Variants in RASAL2 observed in about 807,000 individuals in gnomAD.
The protein encoded by RASAL2 is RAS protein activator like 2, also known as ras GTPase-activating protein nGAP.
RASAL2 carries 58 observed loss-of-function variants against 128.9 expected under a neutral mutation model. The ratio of observed to expected loss-of-function variants is 0.45; its 90% CI spans 0.36 to 0.56. The LOEUF (loss-of-function observed/expected upper bound fraction) is 0.56, where lower values mean the gene tolerates loss of function less well. Ranked by LOEUF, RASAL2 falls within the 20% of genes least tolerant of loss-of-function variation. The probability of loss-of-function intolerance (pLI) is 0.00; values close to 1 mark genes in which losing one functional copy is unlikely to be tolerated. For missense variants in RASAL2, 1,360 were observed against 1,601.6 expected, an observed-to-expected ratio of 0.85 and a Z score of 2.57; for synonymous variants, 561 against 580.8, an observed-to-expected ratio of 0.97 and a Z score of 0.49.
chr1:178,327,448 C>CA (rs1669090326), intron 3 of RASAL2, among the ~76,000 whole-genome samples: 1 of 152,122 alleles, frequency 6.6e-6, no homozygotes, highest in South Asian at 2.1e-4. Context: ...TGAGTTCAAG[C>CA]AATCCTCCCA....
chr1:178,472,405 CTG>C (rs1340204260), intron 17 of RASAL2, among the ~76,000 whole-genome samples: 1 of 152,100 alleles, frequency 6.6e-6, no homozygotes, highest in Admixed American at 6.5e-5. Context: ...GTCTAGGAGC[CTG>C]TGTTCTCTGT....
intron 13 of RASAL2, 120 bp from the exon 14 acceptor site, chr1:178,457,563 C>A: frequency 9.7e-7 from 1 of 1,029,510 alleles, no homozygotes; most frequent in South Asian, 1.7e-5. Context: ...ATCTGAGTTT[C>A]CAAAGAAATG....
chr1:178,295,695 G>A (rs1396516157), intron 2 of RASAL2, among the ~76,000 whole-genome samples: 1 of 152,076 alleles, frequency 6.6e-6, no homozygotes, highest in African/African-American at 2.4e-5. Context: ...TCTGGGGTGG[G>A]GACTGAGAAT....
chr1:178,228,854 A>G (rs1364483662), intron 1 of RASAL2, among the ~76,000 whole-genome samples: 2 of 152,182 alleles, frequency 1.3e-5, no homozygotes, highest in Non-Finnish European at 1.5e-5. Context: ...GAAGCAAGAT[A>G]TTTTGTTATA....
intron 3 of RASAL2, among the ~76,000 whole-genome samples, chr1:178,320,841 T>C (rs1019280989): frequency 6.6e-6 from 1 of 152,214 alleles, no homozygotes; most frequent in Non-Finnish European, 1.5e-5. Flanking sequence ...TATGACTATT[T>C]AATTCGTAAA....
At chr1:178,467,718 T>C (rs891352508) in intron 17 of RASAL2, among the ~76,000 whole-genome samples, 8 of 152,232 alleles carry the variant, frequency 5.3e-5, no homozygotes, top group Non-Finnish European at 1.2e-4. Context: ...GAGGGCATTT[T>C]CTAAGGGCGT....
At chr1:178,322,096 G>A (rs985319857) in intron 3 of RASAL2, among the ~76,000 whole-genome samples, 3 of 152,024 alleles carry the variant, frequency 2.0e-5, no homozygotes, top group South Asian at 2.1e-4. Flanking sequence ...GCCTCCCAAA[G>A]TGCTGGGAAT....
intron 1 of RASAL2, among the ~76,000 whole-genome samples, chr1:178,119,633 C>T (rs767588028): frequency 2.2e-4 from 34 of 152,166 alleles, no homozygotes; most frequent in Non-Finnish European, 4.0e-4. Context: ...CATTCAAAGA[C>T]GTGAATAGTT....
chr1:178,445,489 T>C (rs1286616927), intron 8 of RASAL2, 29 bp from the exon 9 acceptor site: 6 of 1,607,850 alleles, frequency 3.7e-6, no homozygotes, highest in Non-Finnish European at 4.2e-6. Flanking sequence ...TTCAGTTGCT[T>C]TCTGCCTGAT....
chr1:178,114,661 A>G (rs1659460077), intron 1 of RASAL2, among the ~76,000 whole-genome samples: 1 of 151,906 alleles, frequency 6.6e-6, no homozygotes, highest in Non-Finnish European at 1.5e-5. Flanking sequence ...AGCTGGGACT[A>G]CAGGCGCCCA....
chr1:178,447,098 T>G (rs1277666385), intron 9 of RASAL2, among the ~76,000 whole-genome samples: 10 of 152,156 alleles, frequency 6.6e-5, no homozygotes, highest in Admixed American at 6.5e-4. Context: ...TTTACAGTAA[T>G]AACTGGAGAG....
At chr1:178,189,269 CAT>C (rs1662410195) in intron 1 of RASAL2, among the ~76,000 whole-genome samples, 1 of 152,082 alleles carries the variant, frequency 6.6e-6, no homozygotes, top group African/African-American at 2.4e-5. Flanking sequence ...AATTGATTGT[CAT>C]GTGAGGATAT....
intron 1 of RASAL2, among the ~76,000 whole-genome samples, chr1:178,182,147 G>C (rs943104007): frequency 6.6e-6 from 1 of 152,036 alleles, no homozygotes; most frequent in African/African-American, 2.4e-5. Context: ...TAGACTCATG[G>C]ATATTTATTC....
intron 1 of RASAL2, among the ~76,000 whole-genome samples, chr1:178,188,170 C>G (rs893926388): frequency 6.6e-5 from 10 of 152,096 alleles, no homozygotes; most frequent in African/African-American, 2.4e-4. Flanking sequence ...ACCAATAACT[C>G]AAGGGGATTT....
Position 178,477,958 on chromosome 1 carries a change from A to C in RASAL2, c.*4719A>C, listed in dbSNP as rs1412467650. The C allele has an allele frequency of 6.6e-6, 1 of 152,230 alleles. No homozygotes were observed. The highest frequency in any genetic ancestry group is 1.5e-5 in the Non-Finnish European group (1 of 68,028). The allele number at this position is 152,230 out of a possible 1,614,324, so 9.4% of individuals were successfully genotyped here. A position where few individuals can be genotyped will look rare whatever the true frequency, so the allele number is the denominator to read the frequency against. ...ATTGATCTGAGAGTAGGATCCAGAA[A>C]TAAGTAGTTTCAGTTCCTGATCAGT... On this transcript the variant is annotated 3_prime_UTR_variant, in exon 18 of 18. Transcript: ENST00000367649.
At chr1:178,410,773 T>C (rs1314723593) in intron 4 of RASAL2, among the ~76,000 whole-genome samples, 1 of 151,830 alleles carries the variant, frequency 6.6e-6, no homozygotes. Context: ...AAAAAAATGC[T>C]CAGCATCACT....
intron 1 of RASAL2, among the ~76,000 whole-genome samples, chr1:178,178,136 C>T (rs557330595): frequency 1.7e-4 from 26 of 152,016 alleles, no homozygotes; most frequent in African/African-American, 3.6e-4. Flanking sequence ...AACATTTAGA[C>T]GTAAGATCAC....
At chr1:178,190,592 A>C (rs1434176164) in intron 1 of RASAL2, among the ~76,000 whole-genome samples, 1 of 152,182 alleles carries the variant, frequency 6.6e-6, no homozygotes, top group African/African-American at 2.4e-5. Context: ...TAGCTAGAAT[A>C]AACTACGTGC....
chr1:178,404,685 T>C (rs911403955), intron 4 of RASAL2, among the ~76,000 whole-genome samples: 1 of 14,912 alleles, frequency 6.7e-5, no homozygotes, highest in African/African-American at 2.4e-4. Flanking sequence ...GGCCCCCCAA[T>C]TTTTTTTTTT....
Sources: gnomAD v4.1 joint callset for allele counts (sites outside exome capture counted in the v4.1 genomes callset) on GRCh38, gnomAD v4.1.1 for gene constraint, MANE v1.5 for transcripts, NCBI Gene and HGNC (gene_info 2026-07-23, HGNC 2026-07-21) for gene names.